The following PRKD2 variants were observed in gnomAD, a reference collection of about 807,000 sequenced individuals.
PRKD2 encodes protein kinase D2, also known as serine/threonine-protein kinase D2.
In PRKD2, 22 loss-of-function variants were observed where a neutral mutation model predicts 86.0. That is an observed-to-expected ratio of 0.26 (90% CI 0.18 to 0.37). PRKD2 has a LOEUF of 0.37. Among genes scored for constraint, PRKD2 ranks in the 10% least tolerant of loss-of-function variants. The pLI, the probability that PRKD2 is intolerant of heterozygous loss-of-function variation, is 1.00. For synonymous variants in PRKD2, 509 were observed against 510.9 expected, an observed-to-expected ratio of 1.00 and a Z score of 0.05; for missense variants, 818 against 1,199.2, an observed-to-expected ratio of 0.68 and a Z score of 4.70.
In PRKD2 at chr19:46,680,939, TA is replaced by T. The variant is rs1262946449; in HGVS notation, c.2070+710del. Among the ~76,000 whole-genome samples the T allele has an allele frequency of 3.0e-3, 150 of 50,180 alleles. 6 individuals are homozygous for T. Among genetic ancestry groups the T allele is most frequent in the East Asian group, 7.7e-3 (15 of 1,936 alleles). 32.9% of individuals were successfully genotyped at this position (50,180 alleles called of 152,430 possible). ...TTGGGATAAACTATATATATATATA[TA>T]TATATATTTTTTTTTTTTTTTTTGA... On this transcript the variant is annotated intron_variant, in intron 15 of 17. Coordinates refer to ENST00000291281, the MANE Select transcript of PRKD2 (RefSeq NM_016457.5).
chr19:46,701,507 C>A lies in PRKD2; in HGVS notation c.890-395G>T, dbSNP rs189695851. On this transcript the variant is annotated intron_variant, in intron 5 of 17. Coordinates refer to ENST00000291281, the MANE Select transcript of PRKD2 (RefSeq NM_016457.5). Reference sequence around the variant, plus strand: ...GTGGGACTACAGGCGCCCACTACCACGCCCAGCTGATTTTTTTGTGTTTTT... The same window carrying A: ...GTGGGACTACAGGCGCCCACTACCAAGCCCAGCTGATTTTTTTGTGTTTTT... 2.3e-3 allele frequency among the ~76,000 whole-genome samples: 349 copies of A among 151,802 alleles called. 3 individuals are homozygous for A. Among genetic ancestry groups the A allele is most frequent in the African/African-American group, 7.7e-3 (321 of 41,468 alleles).
rs2122192516 is a variant in PRKD2 at position 46,716,274 on chromosome 19, G to A, written c.97C>T (p.Pro33Ser). 6.3e-7 allele frequency: 1 copy of A among 1,586,748 alleles called. No individual in the cohort carries two copies. The highest frequency in any genetic ancestry group is 1.1e-5 in the South Asian group (1 of 88,736). ...GGGGCCGGGATCTGGGGCAGTAGCG[G>A]TGGCGGCGACTGCAGCTCTAGGCCG... ...PGGLELQSPP[P>S]LLPQIPAPGS... Residue 33 changes from proline (P) to serine (S), a missense_variant, in exon 1 of 18, where the codon CCG becomes TCG. By Grantham distance (74) the Pro-to-Ser change is moderately conservative. Coordinates refer to ENST00000291281, the MANE Select transcript of PRKD2 (RefSeq NM_016457.5). The surrounding 1 kb of genome is among the most constrained non-coding windows in gnomAD (Gnocchi z 7.9).
intron 1 of PRKD2, 55 bp from the exon 2 acceptor site, chr19:46,714,056 G>C (rs1461459742): frequency 1.9e-6 from 3 of 1,591,564 alleles, no homozygotes; most frequent in Non-Finnish European, 2.6e-6. Context: ...GCCTTCAGCA[G>C]CGGGCGGACT....
At position 46,696,862 on chromosome 19, in the gene PRKD2, CTT is replaced by C. The variant is rs954890422; in HGVS notation, c.1317+293_1317+294del. On this transcript the variant is annotated intron_variant, in intron 9 of 17. Coordinates refer to ENST00000291281, the MANE Select transcript of PRKD2 (RefSeq NM_016457.5). Reference sequence around the variant, plus strand: ...AGCCAATTGGTTTAGTGGATTGGCTCTTTGAATTCTCGCACCAGCCCTGAGGT... The same window carrying C: ...AGCCAATTGGTTTAGTGGATTGGCTCTGAATTCTCGCACCAGCCCTGAGGT... Among the ~76,000 whole-genome samples the C allele has an allele frequency of 2.5e-4, 38 of 152,290 alleles. 2 individuals are homozygous for C. Among genetic ancestry groups the C allele is most frequent in the Admixed American group, 1.7e-3 (26 of 15,280 alleles).
Position 46,708,972 on chromosome 19 carries a change from GT to G in PRKD2, c.511+1934del, listed in dbSNP as rs1363680607. Among the ~76,000 whole-genome samples the G allele has an allele frequency of 1.5e-3, 209 of 136,350 alleles. No homozygotes were observed. In the East Asian group the frequency reaches 0.031, roughly 20 times the overall value. 89.5% of individuals were successfully genotyped at this position (136,350 alleles called of 152,430 possible). On this transcript the variant is annotated intron_variant, in intron 3 of 17. Coordinates refer to ENST00000291281, the MANE Select transcript of PRKD2 (RefSeq NM_016457.5). The stretch of plus-strand genomic sequence containing the variant: ...TGCCATGAAGGTTGGTTTGTTTGTG[GT>G]TTTTTTTTTTTTTTTTTTTTTTGAG...
chr19:46,678,700 T>C lies in PRKD2; in HGVS notation c.2071-37A>G. Reference sequence around the variant, plus strand: ...AAGGGATGGAGGCTCCACCAGGTGATGGAGCCGCACCCACCCCAGCATCCC... The same window carrying C: ...AAGGGATGGAGGCTCCACCAGGTGACGGAGCCGCACCCACCCCAGCATCCC... On this transcript the variant is annotated intron_variant, in intron 15 of 17. Coordinates refer to ENST00000291281, the MANE Select transcript of PRKD2 (RefSeq NM_016457.5). The surrounding 1 kb of genome is among the most constrained non-coding windows in gnomAD (Gnocchi z 5.7). 1 of 1,583,846 alleles carries C rather than the reference T, an allele frequency of 6.3e-7. No homozygotes were observed. Among genetic ancestry groups the C allele is most frequent in the South Asian group, 1.1e-5 (1 of 89,170 alleles).
chr19:46,706,199 A>G (rs2053711820), intron 3 of PRKD2, among the ~76,000 whole-genome samples: 1 of 152,098 alleles, frequency 6.6e-6, no homozygotes, highest in African/African-American at 2.4e-5. Flanking sequence ...CCATGGAGAA[A>G]TCAGCTCAAC....
chr19:46,714,361 C>A, intron 1 of PRKD2: 1 of 976,470 alleles, frequency 1.0e-6, no homozygotes. Flanking sequence ...GGCTCACACA[C>A]CCGCCCCCCA....
At chr19:46,700,716 A>G in intron 7 of PRKD2, 83 bp downstream of exon 7, 11 of 1,506,750 alleles carry the variant, frequency 7.3e-6, no homozygotes, top group Non-Finnish European at 9.0e-6. Flanking sequence ...AGGTGATGTC[A>G]GCCCATTGTA....
At chr19:46,710,073 ATTT>A (rs1219734063) in intron 3 of PRKD2, among the ~76,000 whole-genome samples, 1 of 149,356 alleles carries the variant, frequency 6.7e-6, no homozygotes, top group Non-Finnish European at 1.5e-5. Context: ...AATTTTTTGT[ATTT>A]TTAGTAGAGA....
At chr19:46,702,034 TTTTG>T (rs1486208096) in intron 5 of PRKD2, among the ~76,000 whole-genome samples, 33 of 131,674 alleles carry the variant, frequency 2.5e-4, no homozygotes, top group African/African-American at 1.1e-3. Context: ...TGATTCTGTT[TTTTG>T]TTTTTTTTTT....
In PRKD2 at chr19:46,716,601, G is replaced by T. The variant is rs1470970813; in HGVS notation, c.-231C>A. ...GGAATCCAGGGCTCCCAGAAGATCA[G>T]AAAGGAGAAAAGTAGTGGGTTGGAG... On this transcript the variant is annotated 5_prime_UTR_variant, in exon 1 of 18. The change creates a new upstream start codon in the 5' untranslated region. Transcript: ENST00000291281. This position sits in a 1 kb window ranked among gnomAD's most constrained non-coding sequence, Gnocchi z 7.9. 8 of 397,362 alleles carry T rather than the reference G, an allele frequency of 2.0e-5. No individual in the cohort carries two copies. The highest frequency in any genetic ancestry group is 3.6e-5 in the Non-Finnish European group (8 of 224,286). The allele number at this position is 397,362 out of a possible 1,614,324, so 24.6% of individuals were successfully genotyped here.
intron 2 of PRKD2, 78 bp downstream of exon 2, chr19:46,713,785 A>T (rs1388934144): frequency 1.6e-6 from 2 of 1,274,752 alleles, no homozygotes; most frequent in Non-Finnish European, 2.1e-6. Flanking sequence ...CTGACTTCTA[A>T]CTCCCCCTAC....
chr19:46,707,324 G>A (rs1293197488), intron 3 of PRKD2, among the ~76,000 whole-genome samples: 1 of 152,116 alleles, frequency 6.6e-6, no homozygotes, highest in East Asian at 1.9e-4. Context: ...AGGCGCATGG[G>A]GCCCAGCGCA....
In PRKD2 at chr19:46,690,272, C is replaced by A. The variant is rs370042855; in HGVS notation, c.1809+328G>T. On this transcript the variant is annotated intron_variant, in intron 13 of 17. Coordinates refer to ENST00000291281, the MANE Select transcript of PRKD2 (RefSeq NM_016457.5). ...CACCCACCCTCCAGATGGCAGCCTGCGGGATTTTCCTAACGTACACACCTG... is the reference window on the plus strand; with the variant it reads ...CACCCACCCTCCAGATGGCAGCCTGAGGGATTTTCCTAACGTACACACCTG... Among the ~76,000 whole-genome samples, 4 of 152,174 alleles carry A rather than the reference C, an allele frequency of 2.6e-5. No homozygotes were observed. In the East Asian group the frequency reaches 5.8e-4, roughly 22 times the overall value.
intron 2 of PRKD2, among the ~76,000 whole-genome samples, chr19:46,712,191 T>A: frequency 6.7e-6 from 1 of 149,542 alleles, no homozygotes; most frequent in East Asian, 2.0e-4. Context: ...CTGCAGTGAG[T>A]GGTGGTCATG....
At position 46,678,059 on chromosome 19, in the gene PRKD2, C is replaced by T. The variant is rs960599690; in HGVS notation, c.2338+337G>A. 6.6e-6 allele frequency among the ~76,000 whole-genome samples: 1 copy of T among 152,182 alleles called. No homozygotes were observed. The highest frequency in any genetic ancestry group is 1.5e-5 in the Non-Finnish European group (1 of 68,036). On this transcript the variant is annotated intron_variant, in intron 16 of 17. Transcript: ENST00000291281. This position sits in a 1 kb window ranked among gnomAD's most constrained non-coding sequence, Gnocchi z 5.7. The stretch of plus-strand genomic sequence containing the variant: ...AGGCTCAGCCCCTTCTCCTGGTCAC[C>T]GCAGCCCTTTGGTACCCTCAAGTCC...
chr19:46,701,653 TTG>T (rs111858403), intron 5 of PRKD2, among the ~76,000 whole-genome samples: 18,994 of 147,368 alleles, frequency 0.13, 1,267 homozygotes, highest in Non-Finnish European at 0.15. Flanking sequence ...CGCGCCCGAC[TTG>T]TGTGTGTGTG....
rs1309295706 is a variant in PRKD2 at position 46,678,269 on chromosome 19, C to T, written c.2338+127G>A. 3.5e-6 allele frequency: 5 copies of T among 1,417,022 alleles called. No homozygotes were observed. The highest frequency in any genetic ancestry group is 2.5e-4 in the Middle Eastern group (1 of 4,008). The allele number at this position is 1,417,022 out of a possible 1,614,324, so 87.8% of individuals were successfully genotyped here. A position where few individuals can be genotyped will look rare whatever the true frequency, so the allele number is the denominator to read the frequency against. ...GCCACATCCCTCCAGTAGGCCCGCCCCAGCACTGGGCTCCACCCCCAAGGT... is the reference window on the plus strand; with the variant it reads ...GCCACATCCCTCCAGTAGGCCCGCCTCAGCACTGGGCTCCACCCCCAAGGT... On this transcript the variant is annotated intron_variant, in intron 16 of 17. Coordinates refer to ENST00000291281, the MANE Select transcript of PRKD2 (RefSeq NM_016457.5). The surrounding 1 kb of genome is among the most constrained non-coding windows in gnomAD (Gnocchi z 5.7).
Sources: allele counts gnomAD v4.1 joint callset (sites outside exome capture counted in the v4.1 genomes callset), GRCh38; gene constraint gnomAD v4.1.1; non-coding constraint Gnocchi (gnomAD v3.1); transcripts MANE v1.5; gene names NCBI Gene and HGNC (gene_info 2026-07-23, HGNC 2026-07-21).